The following SLC17A5 variants were observed in gnomAD, a reference collection of about 807,000 sequenced individuals.
SLC17A5 encodes the protein sialin.
Under a neutral mutation model 59.4 loss-of-function variants are expected in SLC17A5, and 47 were observed. That is an observed-to-expected ratio of 0.79 (90% CI 0.63 to 1.01). The LOEUF (loss-of-function observed/expected upper bound fraction) is 1.01. SLC17A5 is among the 50% of genes least tolerant of loss of function. The probability of loss-of-function intolerance (pLI) is 0.00; values close to 1 mark genes in which losing one functional copy is unlikely to be tolerated. For missense variants in SLC17A5, 522 were observed against 595.5 expected (o/e 0.88, Z 1.28); for synonymous variants, 202 against 210.7 (o/e 0.96, Z 0.36).
intron 6 of SLC17A5, among the ~76,000 whole-genome samples, chr6:73,628,345 G>A (rs922167697): frequency 4.6e-5 from 7 of 152,114 alleles, no homozygotes; most frequent in Non-Finnish European, 1.0e-4. Flanking sequence ...CAAGGCAGGC[G>A]GATCACTTGA....
chr6:73,593,754 A>T lies in SLC17A5; in HGVS notation c.*1323T>A, dbSNP rs199851788. ...ACAGTGAGAATTAATTAAAAAAAAA[A>T]TTCTCGTGTAGCTTAAAAACATAGA... On this transcript the variant is annotated 3_prime_UTR_variant, in exon 11 of 11. Coordinates refer to ENST00000355773, the MANE Select transcript of SLC17A5 (RefSeq NM_012434.5). 1 of 152,154 alleles carries T rather than the reference A, an allele frequency of 6.6e-6. No homozygotes were observed. The highest frequency in any genetic ancestry group is 2.1e-4 in the South Asian group (1 of 4,832). The allele number at this position is 152,154 out of a possible 1,614,324, so 9.4% of individuals were successfully genotyped here. A position where few individuals can be genotyped will look rare whatever the true frequency, so the allele number is the denominator to read the frequency against.
intron 1 of SLC17A5, among the ~76,000 whole-genome samples, chr6:73,652,206 G>A (rs916820051): frequency 2.6e-5 from 4 of 152,208 alleles, no homozygotes; most frequent in Non-Finnish European, 5.9e-5. Flanking sequence ...AAGCCAGGAA[G>A]GACAGGGCCA....
intron 2 of SLC17A5, among the ~76,000 whole-genome samples, chr6:73,643,431 A>T (rs1021987077): frequency 6.6e-6 from 1 of 151,738 alleles, no homozygotes; most frequent in Non-Finnish European, 1.5e-5. Flanking sequence ...AAGTGCTGGG[A>T]TTACAGGTGT....
chr6:73,640,497 C>G (rs949351325), intron 3 of SLC17A5, among the ~76,000 whole-genome samples: 1 of 152,174 alleles, frequency 6.6e-6, no homozygotes, highest in African/African-American at 2.4e-5. Context: ...GAGATTAGAG[C>G]TTACCTAAGG....
In SLC17A5 at chr6:73,595,770, T is replaced by A. The variant is rs540213663; in HGVS notation, c.1351-556A>T. Among the ~76,000 whole-genome samples the A allele has an allele frequency of 5.3e-5, 8 of 152,072 alleles. 1 individual carries two copies. The highest frequency in any genetic ancestry group is 1.9e-4 in the African/African-American group (8 of 41,504). On this transcript the variant is annotated intron_variant, in intron 10 of 10. Transcript: ENST00000355773. ...CTCTGTCACCCGGGCTGGAGTGCAG[T>A]GGCGCAATCTCGGCTCACTGCAGCC...
At position 73,641,671 on chromosome 6, in the gene SLC17A5, AAG is replaced by A; in HGVS notation, c.525+18_525+19del. 1 of 1,541,342 alleles carries A rather than the reference AAG, an allele frequency of 6.5e-7. No homozygotes were observed. Reference sequence around the variant, plus strand: ...GGAGACACACGGTAAGAAGTAAAACAAGAGAGAAAAGAAAATTACCTCTCCTA... The same window carrying A: ...GGAGACACACGGTAAGAAGTAAAACAAGAGAAAAGAAAATTACCTCTCCTA... On this transcript the variant is annotated intron_variant, in intron 3 of 10. Transcript: ENST00000355773.
chr6:73,635,726 A>G (rs1768960886), intron 5 of SLC17A5, among the ~76,000 whole-genome samples: 1 of 150,900 alleles, frequency 6.6e-6, no homozygotes, highest in Non-Finnish European at 1.5e-5. Context: ...TTGCTTATAC[A>G]TTTTGAAGAA....
intron 3 of SLC17A5, among the ~76,000 whole-genome samples, chr6:73,639,518 A>G (rs947895933): frequency 1.3e-5 from 2 of 152,228 alleles, no homozygotes; most frequent in Non-Finnish European, 2.9e-5. Context: ...CATCCACAGG[A>G]TGAGTCATTA....
In SLC17A5 at chr6:73,596,716, C is replaced by T. The variant is rs562109675; in HGVS notation, c.1351-1502G>A. On this transcript the variant is annotated intron_variant, in intron 10 of 10. Coordinates refer to ENST00000355773, the MANE Select transcript of SLC17A5 (RefSeq NM_012434.5). ...CTAAAAAAATAAAAAATTAGCCGGG[C>T]GTGGTGGCTGGTGCCTGTAGTCCCA... Among the ~76,000 whole-genome samples the T allele has an allele frequency of 4.5e-4, 68 of 152,096 alleles. 1 individual carries two copies. The highest frequency in any genetic ancestry group is 6.8e-3 in the Middle Eastern group (2 of 294).
At chr6:73,634,144 C>T (rs183821430) in intron 6 of SLC17A5, among the ~76,000 whole-genome samples, 18 of 151,984 alleles carry the variant, frequency 1.2e-4, no homozygotes, top group African/African-American at 4.1e-4. Context: ...CCTTTGTGCT[C>T]GATTAAGTGA....
intron 9 of SLC17A5, among the ~76,000 whole-genome samples, chr6:73,601,345 G>A (rs1226153107): frequency 3.4e-5 from 5 of 145,032 alleles, no homozygotes; most frequent in Non-Finnish European, 7.6e-5. Flanking sequence ...CCCTCTGCCC[G>A]GCAGCCACCC....
chr6:73,608,057 G>A (rs568971615), intron 9 of SLC17A5, among the ~76,000 whole-genome samples: 2 of 152,248 alleles, frequency 1.3e-5, no homozygotes, highest in South Asian at 2.1e-4. Context: ...GATTACAGGC[G>A]TGAACTACCG....
intron 9 of SLC17A5, 28 bp from the exon 10 acceptor site, chr6:73,600,469 T>C: frequency 6.5e-7 from 1 of 1,530,366 alleles, no homozygotes; most frequent in Non-Finnish European, 9.1e-7. Flanking sequence ...TAGACGTTTA[T>C]TATTGTGATA....
intron 6 of SLC17A5, among the ~76,000 whole-genome samples, chr6:73,626,765 C>G (rs1439467193): frequency 2.6e-5 from 4 of 152,140 alleles, no homozygotes; most frequent in African/African-American, 9.7e-5. Flanking sequence ...ATATGTGTGA[C>G]TGAATAACTA....
intron 7 of SLC17A5, among the ~76,000 whole-genome samples, chr6:73,619,614 G>C (rs1192447646): frequency 6.6e-6 from 1 of 151,656 alleles, no homozygotes; most frequent in Non-Finnish European, 1.5e-5. Flanking sequence ...TAAAAAATAG[G>C]CTATATAATT....
At chr6:73,616,580 C>CA (rs60454712) in intron 7 of SLC17A5, among the ~76,000 whole-genome samples, 3,965 of 100,132 alleles carry the variant, frequency 0.04, 127 homozygotes, top group African/African-American at 0.097. Context: ...CACACACACA[C>CA]GTTTATTTTT....
At chr6:73,614,206 G>A (rs1767749617) in intron 8 of SLC17A5, among the ~76,000 whole-genome samples, 1 of 152,132 alleles carries the variant, frequency 6.6e-6, no homozygotes, top group Non-Finnish European at 1.5e-5. Context: ...GGTTGAGGCT[G>A]CAGTGAGTCA....
chr6:73,651,891 G>A (rs1336506125), intron 1 of SLC17A5, among the ~76,000 whole-genome samples: 2 of 152,044 alleles, frequency 1.3e-5, no homozygotes, highest in Non-Finnish European at 2.9e-5. Context: ...TCTTTTAGAG[G>A]TAAATAATTG....
In SLC17A5 at chr6:73,638,492, G is replaced by C; in HGVS notation, c.533C>G (p.Thr178Arg). Residue 178 changes from threonine (T) to arginine (R), a missense_variant, in exon 4 of 11, where the codon ACA becomes AGA. Transcript: ENST00000355773. Reference protein sequence around the residue: ...RALEGLGEGVTFPAMHAMWSS... With the variant: ...RALEGLGEGVRFPAMHAMWSS... ...CCACATGGCATGCATGGCTGGAAAT[G>C]TAACACCCTGAGAGAAGGGAACATG... 1 of 1,612,482 alleles carries C rather than the reference G, an allele frequency of 6.2e-7. No individual in the cohort carries two copies.
Sources: gnomAD v4.1 joint callset for allele counts (sites outside exome capture counted in the v4.1 genomes callset) on GRCh38, gnomAD v4.1.1 for gene constraint, MANE v1.5 for transcripts, NCBI Gene and HGNC (gene_info 2026-07-23, HGNC 2026-07-21) for gene names.